Variants in ANK1 observed in about 807,000 individuals in gnomAD.
The protein encoded by ANK1 is ankyrin-1.
In ANK1, 51 loss-of-function variants were observed where a neutral mutation model predicts 210.4. That is an observed-to-expected ratio of 0.24 (90% CI 0.19 to 0.31). ANK1 has a LOEUF of 0.31. Ranked by LOEUF, ANK1 falls within the 10% of genes least tolerant of loss-of-function variation. ANK1 has a pLI of 1.00. For missense variants in ANK1, 2,051 were observed against 2,504.4 expected (o/e 0.82, Z 3.86); for synonymous variants, 967 against 1,025.9 (o/e 0.94, Z 1.10).
Position 41,708,889 on chromosome 8 carries a change from G to A in ANK1, c.1887C>T (p.Asn629=), listed in dbSNP as rs763965393. 4.3e-6 allele frequency: 7 copies of A among 1,614,018 alleles called. No homozygotes were observed. The highest frequency in any genetic ancestry group is 2.2e-5 in the East Asian group (1 of 44,902). Residue 629 remains asparagine (N), a synonymous_variant, in exon 17 of 43, where the codon AAC becomes AAT. Transcript: ENST00000289734. Reference sequence around the variant, plus strand: ...GCGTCACACCTTGCACCGACTCGGCGTTTGCTGAGCCCCCATACTGCAGCA... The same window carrying A: ...GCGTCACACCTTGCACCGACTCGGCATTTGCTGAGCCCCCATACTGCAGCA... The part of the protein sequence containing the change: ...RSLLQYGGSA[N]AESVQGVTPL...
intron 1 of ANK1, among the ~76,000 whole-genome samples, chr8:41,783,771 C>T (rs142677093): frequency 7.0e-4 from 107 of 152,264 alleles, no homozygotes; most frequent in Middle Eastern, 3.4e-3. Flanking sequence ...CATATTACAG[C>T]CCTGAGCAGG....
chr8:41,679,663 C>T (rs889989606), intron 37 of ANK1, among the ~76,000 whole-genome samples: 7 of 147,678 alleles, frequency 4.7e-5, no homozygotes, highest in Non-Finnish European at 7.4e-5. Flanking sequence ...CCCGGGTTCA[C>T]GCCATTCTCC....
intron 38 of ANK1, among the ~76,000 whole-genome samples, chr8:41,668,991 C>A (rs1476772657): frequency 1.3e-5 from 2 of 152,150 alleles, no homozygotes; most frequent in African/African-American, 4.8e-5. Context: ...TTCTCTCCCC[C>A]TCAAGACACA....
chr8:41,696,235 G>A (rs552596502), intron 26 of ANK1, 128 bp downstream of exon 26: 53 of 1,042,832 alleles, frequency 5.1e-5, no homozygotes, highest in Non-Finnish European at 6.5e-5. Flanking sequence ...GGACACCTTC[G>A]TGTGTCAGGA....
rs191743192 is a variant in ANK1 at position 41,781,889 on chromosome 8, C to T, written c.27+15623G>A. ...CTAGGAGAGGGTGGAGAGCACCCTG[C>T]GTGAGGGCTGGGGGTCCCTGCTGCT... On this transcript the variant is annotated intron_variant, in intron 1 of 42. Transcript: ENST00000289734. Among the ~76,000 whole-genome samples, 102 of 152,284 alleles carry T rather than the reference C, an allele frequency of 6.7e-4. 2 individuals carry two copies. The highest frequency in any genetic ancestry group is 1.9e-3 in the African/African-American group (81 of 41,560).
At chr8:41,785,897 G>A (rs1182917014) in intron 1 of ANK1, among the ~76,000 whole-genome samples, 1 of 152,200 alleles carries the variant, frequency 6.6e-6, no homozygotes, top group Non-Finnish European at 1.5e-5. Flanking sequence ...GGTCCGAGCT[G>A]ACCTCATGCT....
intron 1 of ANK1, chr8:41,896,252 C>A (rs2150841488): frequency 1.4e-6 from 2 of 1,393,744 alleles, no homozygotes; most frequent in Non-Finnish European, 1.9e-6. Flanking sequence ...CTCCGCCGCA[C>A]CGGGCGCCGC....
chr8:41,669,540 G>A (rs535729861), intron 38 of ANK1, among the ~76,000 whole-genome samples: 14 of 152,188 alleles, frequency 9.2e-5, no homozygotes, highest in South Asian at 2.1e-4. Context: ...AGGACAGTGC[G>A]ATCCAATCCA....
chr8:41,758,731 A>G (rs773803698), intron 1 of ANK1, among the ~76,000 whole-genome samples: 1 of 152,120 alleles, frequency 6.6e-6, no homozygotes, highest in Admixed American at 6.5e-5. Flanking sequence ...TGGCAAGCGC[A>G]CAGCACAGCC....
intron 2 of ANK1, among the ~76,000 whole-genome samples, chr8:41,745,688 C>T (rs1835941916): frequency 6.6e-6 from 1 of 152,010 alleles, no homozygotes; most frequent in Non-Finnish European, 1.5e-5. Context: ...TTACATCTAT[C>T]TGTTCTGGTT....
At chr8:41,661,622 G>A in intron 41 of ANK1, 58 bp from the exon 42 acceptor site, 1 of 1,610,770 alleles carries the variant, frequency 6.2e-7, no homozygotes, top group Non-Finnish European at 8.5e-7. Context: ...GCAGAACACA[G>A]GCAGAAGATC....
chr8:41,890,640 C>T lies in ANK1; in HGVS notation c.126+5715G>A, dbSNP rs368698622. 3.0e-4 allele frequency among the ~76,000 whole-genome samples: 42 copies of T among 141,848 alleles called. No individual in the cohort carries two copies. In the East Asian group the frequency reaches 5.5e-3, roughly 19 times the overall value. The allele number at this position is 141,848 out of a possible 152,430, so 93.1% of individuals were successfully genotyped here. On this transcript the variant is annotated intron_variant, in intron 1 of 42. Coordinates refer to the ANK1 transcript ENST00000265709. ...AGGAGAATCACCTGAACCCAGGAGG[C>T]GGAGGTTGCAGTGAGCTGAGGTTGT...
chr8:41,662,271 G>C (rs538508049), intron 40 of ANK1, among the ~76,000 whole-genome samples: 4 of 151,536 alleles, frequency 2.6e-5, no homozygotes, highest in Non-Finnish European at 5.9e-5. Context: ...AAAAAAAGGC[G>C]GGGGGGCTGG....
At chr8:41,717,379 G>A (rs1376722011) in intron 12 of ANK1, among the ~76,000 whole-genome samples, 1 of 152,224 alleles carries the variant, frequency 6.6e-6, no homozygotes, top group Admixed American at 6.5e-5. Context: ...ACTTACAGAC[G>A]TTCCAAAATT....
At chr8:41,729,841 C>T (rs775594947) in intron 3 of ANK1, among the ~76,000 whole-genome samples, 1 of 152,058 alleles carries the variant, frequency 6.6e-6, no homozygotes, top group Non-Finnish European at 1.5e-5. Context: ...GGGTGGACTC[C>T]CCTGGGTGCC....
chr8:41,698,142 A>G, intron 23 of ANK1, 21 bp from the exon 24 acceptor site: 1 of 1,613,072 alleles, frequency 6.2e-7, no homozygotes, highest in Non-Finnish European at 8.5e-7. Flanking sequence ...AGAACACCAG[A>G]ACATCACAGG....
At chr8:41,736,860 C>T (rs552049787) in intron 2 of ANK1, among the ~76,000 whole-genome samples, 2 of 152,316 alleles carry the variant, frequency 1.3e-5, no homozygotes, top group South Asian at 4.1e-4. Flanking sequence ...GAACTCCACC[C>T]TTTCATCTGC....
intron 1 of ANK1, among the ~76,000 whole-genome samples, chr8:41,822,170 G>GA (rs1317778555): frequency 6.9e-6 from 1 of 144,090 alleles, no homozygotes; most frequent in Non-Finnish European, 1.5e-5. Context: ...AAGAAAGAAA[G>GA]AAAGAAAGAA....
intron 20 of ANK1, 42 bp downstream of exon 20, chr8:41,703,999 T>C (rs1218197433): frequency 6.4e-7 from 1 of 1,557,834 alleles, no homozygotes; most frequent in Non-Finnish European, 8.9e-7. Flanking sequence ...GCTGCTGCCA[T>C]GGGGAGCAGT....
Sources: gnomAD v4.1 joint callset for allele counts (sites outside exome capture counted in the v4.1 genomes callset) on GRCh38, gnomAD v4.1.1 for gene constraint, MANE v1.5 for transcripts, NCBI Gene and HGNC (gene_info 2026-07-23, HGNC 2026-07-21) for gene names.